RABGAP1L: variants seen among roughly 807,000 people sequenced by gnomAD.
RABGAP1L encodes the protein RAB GTPase activating protein 1 like.
A neutral mutation model predicts 137.7 loss-of-function variants in RABGAP1L; 63 were observed. That is an observed-to-expected ratio of 0.46 (90% CI 0.37 to 0.56). RABGAP1L has a LOEUF of 0.56. Among genes scored for constraint, RABGAP1L ranks in the 20% least tolerant of loss-of-function variants. The pLI is 0.00. For missense variants in RABGAP1L, 1,095 were observed against 1,244.0 expected, an observed-to-expected ratio of 0.88 and a Z score of 1.80; for synonymous variants, 431 against 433.7, an observed-to-expected ratio of 0.99 and a Z score of 0.08.
At chr1:174,563,318 A>T (rs574412400) in intron 13 of RABGAP1L, among the ~76,000 whole-genome samples, 1 of 152,324 alleles carries the variant, frequency 6.6e-6, no homozygotes, top group East Asian at 1.9e-4. Context: ...TTAATTAGAT[A>T]TGAAATTAAC....
At chr1:174,414,884 T>G (rs1455002859) in intron 13 of RABGAP1L, among the ~76,000 whole-genome samples, 2 of 151,576 alleles carry the variant, frequency 1.3e-5, no homozygotes, top group African/African-American at 4.8e-5. Context: ...AGTTTCCTAG[T>G]TTTTACTGCC....
At chr1:174,985,902 T>A (rs1215562805) in intron 24 of RABGAP1L, among the ~76,000 whole-genome samples, 1 of 152,218 alleles carries the variant, frequency 6.6e-6, no homozygotes, top group Non-Finnish European at 1.5e-5. Context: ...TGTGGACTTC[T>A]ATCCTCAAGG....
At chr1:174,276,017 AT>A in intron 9 of RABGAP1L, 82 bp downstream of exon 9, 1 of 1,125,548 alleles carries the variant, frequency 8.9e-7, no homozygotes, top group South Asian at 1.8e-5. Flanking sequence ...TTTAAAAAAA[AT>A]TTGGAACTCA....
intron 13 of RABGAP1L, among the ~76,000 whole-genome samples, chr1:174,528,611 C>T (rs1299266994): frequency 2.7e-5 from 4 of 149,944 alleles, no homozygotes; most frequent in East Asian, 2.0e-4. Context: ...TTATAGGTGC[C>T]GAAACACTTT....
chr1:174,229,559 G>A (rs1279720180), intron 3 of RABGAP1L, among the ~76,000 whole-genome samples: 1 of 152,062 alleles, frequency 6.6e-6, no homozygotes. Flanking sequence ...GCAAGCACAG[G>A]TTAAAAAAGA....
At chr1:174,511,915 G>A (rs546103894) in intron 13 of RABGAP1L, among the ~76,000 whole-genome samples, 1 of 151,996 alleles carries the variant, frequency 6.6e-6, no homozygotes, top group African/African-American at 2.4e-5. Flanking sequence ...CACTGTGCCC[G>A]GCTGTGTCCT....
At chr1:174,932,290 C>G (rs2149263117) in intron 19 of RABGAP1L, among the ~76,000 whole-genome samples, 1 of 150,886 alleles carries the variant, frequency 6.6e-6, no homozygotes, top group South Asian at 2.1e-4. Context: ...GAGCCTGATG[C>G]TGTGTTTAAC....
chr1:174,214,078 T>C (rs1023590429), intron 1 of RABGAP1L, among the ~76,000 whole-genome samples: 1 of 152,200 alleles, frequency 6.6e-6, no homozygotes, highest in South Asian at 2.1e-4. Context: ...GATATGGTCT[T>C]ATATTTGGAA....
chr1:174,845,404 A>G (rs1257143892), intron 19 of RABGAP1L, among the ~76,000 whole-genome samples: 1 of 84,846 alleles, frequency 1.2e-5, no homozygotes, highest in African/African-American at 3.9e-5. Context: ...CATCCCATCA[A>G]TACCTAATTT....
At chr1:174,637,805 A>G (rs1475992454) in intron 14 of RABGAP1L, among the ~76,000 whole-genome samples, 5 of 152,216 alleles carry the variant, frequency 3.3e-5, no homozygotes, top group African/African-American at 9.6e-5. Flanking sequence ...TCCTTCTGAC[A>G]AGATCATGCA....
chr1:174,268,996 C>T (rs1300255591), intron 7 of RABGAP1L, among the ~76,000 whole-genome samples: 1 of 151,992 alleles, frequency 6.6e-6, no homozygotes, highest in Non-Finnish European at 1.5e-5. Context: ...GGCGCAGTCT[C>T]GGCTCACACA....
At chr1:174,985,506 A>G (rs574193175) in intron 24 of RABGAP1L, among the ~76,000 whole-genome samples, 3 of 152,254 alleles carry the variant, frequency 2.0e-5, no homozygotes, top group Non-Finnish European at 4.4e-5. Flanking sequence ...TAAGCCTGGA[A>G]GTCAGACTCT....
At chr1:174,480,693 A>C (rs1036992548) in intron 13 of RABGAP1L, among the ~76,000 whole-genome samples, 1 of 152,240 alleles carries the variant, frequency 6.6e-6, no homozygotes, top group Non-Finnish European at 1.5e-5. Flanking sequence ...AGTTAGTGCT[A>C]TGTGAGAAGG....
intron 17 of RABGAP1L, among the ~76,000 whole-genome samples, chr1:174,710,796 A>G (rs1232939157): frequency 6.6e-6 from 1 of 152,252 alleles, no homozygotes; most frequent in African/African-American, 2.4e-5. Context: ...GCATCATATG[A>G]CAGTATCAAA....
chr1:174,353,668 C>T (rs1312731103), intron 11 of RABGAP1L, among the ~76,000 whole-genome samples: 1 of 152,152 alleles, frequency 6.6e-6, no homozygotes, highest in Admixed American at 6.5e-5. Context: ...TGAATTTTGT[C>T]CTGTGTTACT....
chr1:174,213,931 A>G (rs1187296685), intron 1 of RABGAP1L, among the ~76,000 whole-genome samples: 6 of 152,232 alleles, frequency 3.9e-5, no homozygotes, highest in African/African-American at 1.4e-4. Context: ...GATTGATAAC[A>G]CAATAAGGAT....
intron 1 of RABGAP1L, among the ~76,000 whole-genome samples, chr1:174,199,722 C>G (rs189254578): frequency 3.9e-4 from 59 of 152,256 alleles, no homozygotes; most frequent in African/African-American, 1.4e-3. Context: ...TTTTGAAAAT[C>G]TTAAATAGGG....
intron 19 of RABGAP1L, among the ~76,000 whole-genome samples, chr1:174,932,786 T>G (rs1664061685): frequency 6.6e-6 from 1 of 152,228 alleles, no homozygotes; most frequent in African/African-American, 2.4e-5. Flanking sequence ...AATTATCCCC[T>G]ACTTGGCCAC....
In RABGAP1L at chr1:174,848,396, A is replaced by G. The variant is rs1394177260; in HGVS notation, c.2340+36436A>G. ...GGTCTTTGATGATGGTGATGTACAG[A>G]TGGGTTTTTGGTGTGGATGTCCTTT... is the stretch of plus-strand genomic sequence containing the variant. On this transcript the variant is annotated intron_variant, in intron 19 of 25. Transcript: ENST00000681986. 1.6e-4 allele frequency among the ~76,000 whole-genome samples: 22 copies of G among 133,452 alleles called. No individual in the cohort carries two copies. The East Asian group carries it at 4.2e-3, about 25-fold the overall frequency. 87.5% of individuals were successfully genotyped at this position (133,452 alleles called of 152,430 possible).
Sources: gnomAD v4.1 joint callset for allele counts (sites outside exome capture counted in the v4.1 genomes callset) on GRCh38, gnomAD v4.1.1 for gene constraint, MANE v1.5 for transcripts, NCBI Gene and HGNC (gene_info 2026-07-23, HGNC 2026-07-21) for gene names.